PXDNL: variants seen among roughly 807,000 people sequenced by gnomAD.
PXDNL encodes the protein peroxidasin like, also known as probable oxidoreductase PXDNL.
In PXDNL, 145 loss-of-function variants were observed where a neutral mutation model predicts 150.8. The ratio of observed to expected loss-of-function variants is 0.96; its 90% CI spans 0.84 to 1.10. The LOEUF is 1.10. Ranked by LOEUF, PXDNL falls within the 50% of genes least tolerant of loss-of-function variation. PXDNL has a pLI of 0.00. For synonymous variants in PXDNL, 757 were observed against 725.7 expected, an observed-to-expected ratio of 1.04 and a Z score of -0.69; for missense variants, 2,087 against 1,873.9, an observed-to-expected ratio of 1.11 and a Z score of -2.10.
intron 6 of PXDNL, among the ~76,000 whole-genome samples, chr8:51,479,101 C>A (rs142243026): frequency 1.3e-5 from 2 of 152,112 alleles, no homozygotes; most frequent in African/African-American, 4.8e-5. Context: ...TGTGTTCCAG[C>A]AATTGAGTGA....
intron 2 of PXDNL, among the ~76,000 whole-genome samples, chr8:51,601,962 A>G (rs754812739): frequency 4.6e-5 from 7 of 151,778 alleles, no homozygotes; most frequent in Admixed American, 2.0e-4. Flanking sequence ...AAAAGATTTT[A>G]TTTCTCCTTC....
chr8:51,407,039 T>C (rs370809539), intron 17 of PXDNL, among the ~76,000 whole-genome samples: 10 of 152,232 alleles, frequency 6.6e-5, no homozygotes, highest in African/African-American at 2.4e-4. Context: ...GGTGCTACTT[T>C]CTCATTTTAT....
chr8:51,464,601 C>T (rs2130046561), intron 8 of PXDNL, among the ~76,000 whole-genome samples: 1 of 152,180 alleles, frequency 6.6e-6, no homozygotes, highest in South Asian at 2.1e-4. Flanking sequence ...TGGACAATTC[C>T]CATAAACACA....
chr8:51,490,644 A>G (rs919174686), intron 5 of PXDNL, among the ~76,000 whole-genome samples: 2 of 149,710 alleles, frequency 1.3e-5, no homozygotes, highest in African/African-American at 4.9e-5. Context: ...ATACATATAT[A>G]TACATATATA....
intron 1 of PXDNL, among the ~76,000 whole-genome samples, chr8:51,658,346 A>G (rs1280672774): frequency 5.5e-5 from 1 of 18,100 alleles, no homozygotes; most frequent in Non-Finnish European, 1.8e-4. Flanking sequence ...TGTCTCAAGA[A>G]AAAAAAAAAA....
At chr8:51,481,012 G>A (rs1025112203) in intron 6 of PXDNL, among the ~76,000 whole-genome samples, 2 of 152,284 alleles carry the variant, frequency 1.3e-5, no homozygotes, top group African/African-American at 2.4e-5. Flanking sequence ...AATGTGGAAG[G>A]GACTTTGGAA....
intron 14 of PXDNL, among the ~76,000 whole-genome samples, chr8:51,416,575 G>A (rs572467188): frequency 6.6e-6 from 1 of 152,308 alleles, no homozygotes; most frequent in African/African-American, 2.4e-5. Flanking sequence ...TTTTAAAACT[G>A]CATGTTGCAA....
chr8:51,426,526 T>G, intron 13 of PXDNL, 120 bp downstream of exon 13: 1 of 595,404 alleles, frequency 1.7e-6, no homozygotes, highest in Non-Finnish European at 3.0e-6. Flanking sequence ...TAAAAGGTAT[T>G]ATTTGCTAGC....
intron 2 of PXDNL, among the ~76,000 whole-genome samples, chr8:51,604,478 A>AGT (rs746606743): frequency 9.2e-5 from 14 of 152,166 alleles, no homozygotes; most frequent in Non-Finnish European, 1.6e-4. Context: ...GAAGGGGAAC[A>AGT]TCACACACTG....
intron 17 of PXDNL, among the ~76,000 whole-genome samples, chr8:51,401,386 A>C (rs1451391143): frequency 1.3e-5 from 2 of 152,186 alleles, no homozygotes; most frequent in Admixed American, 6.5e-5. Context: ...GATCTGAGGG[A>C]GAAGGGAATA....
intron 1 of PXDNL, among the ~76,000 whole-genome samples, chr8:51,735,836 G>A (rs944882108): frequency 2.0e-5 from 3 of 151,970 alleles, no homozygotes; most frequent in African/African-American, 7.2e-5. Flanking sequence ...GTGAGCCACC[G>A]CGCCCGGCCT....
intron 2 of PXDNL, among the ~76,000 whole-genome samples, chr8:51,629,124 C>G (rs1313706003): frequency 6.6e-6 from 1 of 151,514 alleles, no homozygotes; most frequent in Non-Finnish European, 1.5e-5. Flanking sequence ...CCAAAAGAAA[C>G]CACGGCAAAG....
chr8:51,320,069 AG>A, intron 22 of PXDNL, 47 bp from the exon 23 acceptor site: 3 of 1,308,536 alleles, frequency 2.3e-6, no homozygotes, highest in Non-Finnish European at 3.0e-6. Flanking sequence ...TTATAATCAA[AG>A]TACTTAAAAG....
intron 1 of PXDNL, among the ~76,000 whole-genome samples, chr8:51,719,391 T>C (rs1029166868): frequency 3.9e-5 from 6 of 152,178 alleles, no homozygotes; most frequent in Non-Finnish European, 8.8e-5. Flanking sequence ...CAGGGTTAAA[T>C]GGATTAAGGG....
At chr8:51,320,220 C>T (rs1162072731) in intron 22 of PXDNL, among the ~76,000 whole-genome samples, 198 bp from the exon 23 acceptor site, 1 of 152,120 alleles carries the variant, frequency 6.6e-6, no homozygotes, top group Non-Finnish European at 1.5e-5. Flanking sequence ...GAACAGCAAG[C>T]CTGCCCTATA....
intron 12 of PXDNL, among the ~76,000 whole-genome samples, chr8:51,443,678 T>A (rs2129903648): frequency 6.6e-6 from 1 of 152,310 alleles, no homozygotes; most frequent in Middle Eastern, 3.4e-3. Context: ...AAGTAGTGAG[T>A]AGAGTAGCAT....
At chr8:51,629,466 C>A (rs1242215137) in intron 2 of PXDNL, among the ~76,000 whole-genome samples, 2 of 151,170 alleles carry the variant, frequency 1.3e-5, no homozygotes, top group African/African-American at 2.4e-5. Flanking sequence ...ATGAGAAATC[C>A]CAAGAAAAGA....
intron 19 of PXDNL, among the ~76,000 whole-genome samples, chr8:51,368,442 G>A (rs1010716459): frequency 1.3e-5 from 2 of 151,780 alleles, no homozygotes; most frequent in African/African-American, 4.8e-5. Flanking sequence ...AGTTTCTCCA[G>A]GATTTTAAAA....
intron 1 of PXDNL, among the ~76,000 whole-genome samples, chr8:51,658,202 C>T (rs1815191982): frequency 6.6e-6 from 1 of 151,716 alleles, no homozygotes; most frequent in African/African-American, 2.4e-5. Flanking sequence ...ATTAGCCAGG[C>T]ATGGTGGTAC....
Sources: gnomAD v4.1 joint callset for allele counts (sites outside exome capture counted in the v4.1 genomes callset) on GRCh38, gnomAD v4.1.1 for gene constraint, MANE v1.5 for transcripts, NCBI Gene and HGNC (gene_info 2026-07-23, HGNC 2026-07-21) for gene names.